CYBB: variants seen among roughly 807,000 people sequenced by gnomAD.
CYBB encodes the protein NADPH oxidase 2.
CYBB carries 5 observed loss-of-function variants against 46.5 expected under a neutral mutation model. The ratio of observed to expected loss-of-function variants is 0.11; its 90% CI spans 0.06 to 0.23. CYBB has a LOEUF of 0.23. Ranked by LOEUF, CYBB falls within the 10% of genes least tolerant of loss-of-function variation. The probability of loss-of-function intolerance (pLI) is 1.00; values close to 1 mark genes in which losing one functional copy is unlikely to be tolerated. For missense variants in CYBB, 307 were observed against 428.3 expected, an observed-to-expected ratio of 0.72 and a Z score of 2.50; for synonymous variants, 183 against 156.7, an observed-to-expected ratio of 1.17 and a Z score of -1.26.
chrX:37,805,144 C>T lies in CYBB; in HGVS notation c.1290C>T (p.Asn430=), dbSNP rs1031833103. ...CAGTCTGGTACAAATATTGCAATAA[C>T]GCCACCAATCTGAAGCTCAAAAAGG... The part of the protein sequence containing the change: ...LKSVWYKYCN[N]ATNLKLKKIY... The change falls in exon 10 of 13, where the codon AAC becomes AAT. Residue 430 remains asparagine (N), a synonymous_variant. Coordinates refer to ENST00000378588, the MANE Select transcript of CYBB (RefSeq NM_000397.4). 5.8e-6 allele frequency: 7 copies of T among 1,209,515 alleles called. No homozygotes were observed. The highest frequency in any genetic ancestry group is 2.3e-4 in the Middle Eastern group (1 of 4,368).
intron 3 of CYBB, among the ~76,000 whole-genome samples, chrX:37,789,525 G>T (rs1423429763): frequency 1.3e-5 from 1 of 78,792 alleles, no homozygotes; most frequent in Non-Finnish European, 2.5e-5. Flanking sequence ...AAGAAAGAAA[G>T]AAAATAAATA....
Position 37,811,315 on chromosome X carries a change from A to T in CYBB, c.*398A>T, listed in dbSNP as rs745544033. On this transcript the variant is annotated 3_prime_UTR_variant, in exon 13 of 13. Coordinates refer to ENST00000378588, the MANE Select transcript of CYBB (RefSeq NM_000397.4). ...TTTCCACAATACTGAGCTGCCTCAG[A>T]ATCCTCAAAATCAGTTTTTATATTC... 5.1e-5 allele frequency: 7 copies of T among 136,238 alleles called. No individual in the cohort carries two copies. The highest frequency in any genetic ancestry group is 8.7e-5 in the Non-Finnish European group (6 of 68,770). The allele number at this position is 136,238 out of a possible 1,213,427, so 11.2% of individuals were successfully genotyped here. A position where few individuals can be genotyped will look rare whatever the true frequency, so the allele number is the denominator to read the frequency against.
chrX:37,809,560 C>A lies in CYBB; in HGVS notation c.1462-7C>A, dbSNP rs371707791. On this transcript the variant is annotated splice_polypyrimidine_tract_variant and splice_region_variant and intron_variant, in intron 11 of 12. Coordinates refer to ENST00000378588, the MANE Select transcript of CYBB (RefSeq NM_000397.4). ...TTTTTTTTCTGAATTCATGTCCTTT[C>A]CTGTAGGCCAATCACTTTGCTGTGC... The A allele has an allele frequency of 1.7e-6, 2 of 1,193,617 alleles. No individual in the cohort carries two copies. The highest frequency in any genetic ancestry group is 3.5e-5 in the African/African-American group (2 of 56,629).
chrX:37,784,523 G>A (rs372333440), intron 3 of CYBB, among the ~76,000 whole-genome samples: 1 of 111,312 alleles, frequency 9.0e-6, no homozygotes, highest in Non-Finnish European at 1.9e-5. Flanking sequence ...TGAGGAAATC[G>A]TATTCTTGAA....
chrX:37,780,925 A>G (rs1556464356), intron 1 of CYBB, among the ~76,000 whole-genome samples: 1 of 111,886 alleles, frequency 8.9e-6, no homozygotes, highest in African/African-American at 3.2e-5. Flanking sequence ...TTTCTAAATA[A>G]CCAATAGAAG....
chrX:37,784,488 G>A (rs1253827456), intron 3 of CYBB, among the ~76,000 whole-genome samples: 7 of 111,489 alleles, frequency 6.3e-5, no homozygotes, highest in Non-Finnish European at 1.3e-4. Flanking sequence ...GGAGAAGATG[G>A]CATGGACAGA....
At chrX:37,810,719 A>G in intron 12 of CYBB, 72 bp from the exon 13 acceptor site, 1 of 1,123,597 alleles carries the variant, frequency 8.9e-7, no homozygotes. Flanking sequence ...AATTAACGGG[A>G]AATTCACCTA....
intron 12 of CYBB, 111 bp downstream of exon 12, chrX:37,809,802 T>C (rs1431935076): frequency 1.3e-5 from 10 of 790,542 alleles, no homozygotes; most frequent in East Asian, 3.6e-5. Flanking sequence ...TATATTACTA[T>C]ATAAAGATTG....
rs1185865289 is a variant in CYBB, at chrX:37,810,680, A to T, written c.1587-111A>T. The stretch of plus-strand genomic sequence containing the variant: ...TTGCTATTTGTGGAAAAGAAAAAGG[A>T]GCAGAGGGGACTCTGCCCTGGGGCC... On this transcript the variant is annotated intron_variant, in intron 12 of 12. Coordinates refer to ENST00000378588, the MANE Select transcript of CYBB (RefSeq NM_000397.4). 1.3e-5 allele frequency: 10 copies of T among 751,448 alleles called. No homozygotes were observed. The Admixed American group carries it at 2.1e-4, about 16-fold the overall frequency. The allele number at this position is 751,448 out of a possible 1,213,427, so 61.9% of individuals were successfully genotyped here.
Position 37,810,926 on chromosome X carries a change from T to C in CYBB, c.*9T>C. 8.3e-7 allele frequency: 1 copy of C among 1,203,147 alleles called. No individual in the cohort carries two copies. Among genetic ancestry groups the C allele is most frequent in the South Asian group, 1.8e-5 (1 of 56,720 alleles). On this transcript the variant is annotated 3_prime_UTR_variant, in exon 13 of 13. Coordinates refer to ENST00000378588, the MANE Select transcript of CYBB (RefSeq NM_000397.4). ...ACAAGGAAAACTTCTAACTTGTCTC[T>C]TCCATGAGGAAATAAATGTGGGTTG... is the stretch of plus-strand genomic sequence containing the variant.
In CYBB at chrX:37,780,069, T is replaced by C. The variant is rs782243704; in HGVS notation, c.-9T>C. On this transcript the variant is annotated 5_prime_UTR_variant, in exon 1 of 13. Transcript: ENST00000378588. ...AAAGGCAAACACAACACATTCAACC[T>C]CTGCCACCATGGGGAACTGGGCTGT... 2 of 1,207,492 alleles carry C rather than the reference T, an allele frequency of 1.7e-6. No homozygotes were observed. Among genetic ancestry groups the C allele is most frequent in the African/African-American group, 3.5e-5 (2 of 57,077 alleles).
chrX:37,804,900 T>G lies in CYBB; in HGVS notation c.1152-106T>G, dbSNP rs1929523373. 4.8e-6 allele frequency: 4 copies of G among 837,263 alleles called. No homozygotes were observed. The South Asian group carries it at 8.5e-5, about 18-fold the overall frequency. 69.0% of individuals were successfully genotyped at this position (837,263 alleles called of 1,213,427 possible). A position where few individuals can be genotyped will look rare whatever the true frequency, so the allele number is the denominator to read the frequency against. ...AGGAAGCACCCAATAGATACATTAT[T>G]CCAATTTGAATTAACATGTTGCACA... On this transcript the variant is annotated intron_variant, in intron 9 of 12. Transcript: ENST00000378588.
chrX:37,791,886 T>C (rs1293939284), intron 3 of CYBB, 89 bp from the exon 4 acceptor site: 4 of 684,249 alleles, frequency 5.8e-6, no homozygotes, highest in Non-Finnish European at 9.5e-6. Context: ...TCATGAAAAT[T>C]AAATGAGATA....
At chrX:37,794,655 G>A (rs1185069617) in intron 5 of CYBB, among the ~76,000 whole-genome samples, 1 of 111,102 alleles carries the variant, frequency 9.0e-6, no homozygotes, top group Non-Finnish European at 1.9e-5. Context: ...ATGTGCACTG[G>A]GAGTAACTCA....
At chrX:37,786,010 G>T (rs972528501) in intron 3 of CYBB, among the ~76,000 whole-genome samples, 2 of 111,749 alleles carry the variant, frequency 1.8e-5, no homozygotes, top group African/African-American at 6.5e-5. Context: ...GAGAAGCTTG[G>T]CTGTATAACT....
chrX:37,809,659 T>G lies in CYBB; in HGVS notation c.1554T>G (p.Asn518Lys), dbSNP rs1556472714. The G allele has an allele frequency of 1.7e-6, 2 of 1,209,174 alleles. No homozygotes were observed. The highest frequency in any genetic ancestry group is 4.4e-5 in the Admixed American group (2 of 45,795). ...TGTATGGACGGCCCAACTGGGATAA[T>G]GAATTCAAGACAATTGCAAGTCAAC... is the stretch of plus-strand genomic sequence containing the variant. ...KTLYGRPNWD[N>K]EFKTIASQHP... Residue 518 changes from asparagine (N) to lysine (K), a missense_variant, in exon 12 of 13, where the codon AAT becomes AAG. Physicochemically the swap from Asn to Lys is moderately conservative, Grantham distance 94. Transcript: ENST00000378588.
rs781878435 is a variant in CYBB, at chrX:37,792,500, A to G, written c.337+441A>G. 4.5e-5 allele frequency among the ~76,000 whole-genome samples: 5 copies of G among 111,075 alleles called. No individual in the cohort carries two copies. The South Asian group carries it at 1.5e-3, about 34-fold the overall frequency. ...TCAAGACGGTCATTATCAGCTAAAT[A>G]CCTTCATTATTATTATTACTATTGT... On this transcript the variant is annotated intron_variant, in intron 4 of 12. Coordinates refer to ENST00000378588, the MANE Select transcript of CYBB (RefSeq NM_000397.4).
At chrX:37,782,045 G>C in intron 1 of CYBB, 43 bp from the exon 2 acceptor site, 1 of 1,065,367 alleles carries the variant, frequency 9.4e-7, no homozygotes, top group African/African-American at 1.8e-5. Flanking sequence ...GGAATCTACT[G>C]TGGAAATGCG....
chrX:37,806,657 C>T (rs1569480151), intron 11 of CYBB, 124 bp downstream of exon 11: 5 of 648,604 alleles, frequency 7.7e-6, no homozygotes, highest in Middle Eastern at 9.4e-4. Context: ...TTTGGTGATC[C>T]GGTCCATTCA....
Sources: allele counts gnomAD v4.1 joint callset (sites outside exome capture counted in the v4.1 genomes callset), GRCh38; gene constraint gnomAD v4.1.1; transcripts MANE v1.5; gene names NCBI Gene and HGNC (gene_info 2026-07-23, HGNC 2026-07-21).